The following VCP variants were observed in gnomAD, a reference collection of about 807,000 sequenced individuals.
VCP encodes the protein valosin containing protein, also known as transitional endoplasmic reticulum ATPase.
A neutral mutation model predicts 85.7 loss-of-function variants in VCP; 6 were observed. That is an observed-to-expected ratio of 0.07 (90% CI 0.04 to 0.14). The LOEUF is 0.14. Among genes scored for constraint, VCP ranks in the 10% least tolerant of loss-of-function variants. The pLI, the probability that VCP is intolerant of heterozygous loss-of-function variation, is 1.00. For missense variants in VCP, 353 were observed against 1,043.4 expected (o/e 0.34, Z 9.12); for synonymous variants, 384 against 367.1 (o/e 1.05, Z -0.53).
In VCP at chr9:35,063,342, A is replaced by G. The variant is rs556416439; in HGVS notation, c.709-262T>C. On this transcript the variant is annotated intron_variant, in intron 6 of 16. Coordinates refer to ENST00000358901, the MANE Select transcript of VCP (RefSeq NM_007126.5). ...CTAAGGGCAGAGAAACTGTAGTCCAAATGCGTTTGAAGATACATGACTAGG... is the reference window on the plus strand; with the variant it reads ...CTAAGGGCAGAGAAACTGTAGTCCAGATGCGTTTGAAGATACATGACTAGG... Among the ~76,000 whole-genome samples the G allele has an allele frequency of 1.8e-4, 28 of 152,306 alleles. 1 individual carries two copies. In the South Asian group the frequency reaches 5.8e-3, roughly 32 times the overall value.
intron 4 of VCP, 29 bp from the exon 5 acceptor site, chr9:35,065,410 T>G (rs200357034): frequency 6.2e-7 from 1 of 1,613,810 alleles, no homozygotes; most frequent in Non-Finnish European, 8.5e-7. Context: ...CAAGCACAGT[T>G]AGAGGTGTCA....
chr9:35,060,950 G>A (rs886833068), intron 11 of VCP, 27 bp from the exon 12 acceptor site: 2 of 1,614,206 alleles, frequency 1.2e-6, no homozygotes, highest in Non-Finnish European at 1.7e-6. Flanking sequence ...AACTGGGGAT[G>A]AGACTTATCA....
Position 35,059,920 on chromosome 9 carries a change from G to T in VCP, c.1696-119C>A, listed in dbSNP as rs1427592972. On this transcript the variant is annotated intron_variant, in intron 13 of 16. Transcript: ENST00000358901. The surrounding 1 kb of genome is among the most constrained non-coding windows in gnomAD (Gnocchi z 4.9). ...GGCCAAGGTGGGAGGATCACTTGAG[G>T]CCAGAAATCCGAAACCAGCATGGGC... The T allele has an allele frequency of 7.5e-6, 10 of 1,336,686 alleles. No homozygotes were observed. Among genetic ancestry groups the T allele is most frequent in the Non-Finnish European group, 9.5e-6 (9 of 949,880 alleles). The allele number at this position is 1,336,686 out of a possible 1,614,324, so 82.8% of individuals were successfully genotyped here.
intron 1 of VCP, chr9:35,071,890 C>T: frequency 1.0e-6 from 1 of 999,034 alleles, no homozygotes; most frequent in Non-Finnish European, 1.2e-6. Context: ...TCCACGCCCA[C>T]CGGGCCCGGC....
chr9:35,057,886 TAGAA>T (rs1167659743), intron 15 of VCP: 10 of 371,124 alleles, frequency 2.7e-5, no homozygotes, highest in Admixed American at 1.2e-4. Context: ...AAATGGTATA[TAGAA>T]AGAGTGAATT....
At chr9:35,063,633 C>G (rs1828770683) in intron 6 of VCP, among the ~76,000 whole-genome samples, 1 of 152,212 alleles carries the variant, frequency 6.6e-6, no homozygotes, top group African/African-American at 2.4e-5. Context: ...TATTTGTGTG[C>G]CACCCACTAG....
intron 2 of VCP, 88 bp from the exon 3 acceptor site, chr9:35,068,151 A>T: frequency 6.2e-7 from 1 of 1,606,574 alleles, no homozygotes; most frequent in Non-Finnish European, 8.5e-7. Context: ...AGTAAACCCC[A>T]CTCTATCTGC....
intron 6 of VCP, 119 bp downstream of exon 6, chr9:35,064,035 C>T (rs2131034939): frequency 6.6e-7 from 1 of 1,516,976 alleles, no homozygotes; most frequent in Admixed American, 1.7e-5. Flanking sequence ...ACGTTATTGC[C>T]CCTCTAATCC....
intron 13 of VCP, 146 bp downstream of exon 13, chr9:35,060,167 C>G: frequency 1.1e-6 from 1 of 900,964 alleles, no homozygotes; most frequent in South Asian, 1.5e-5. Flanking sequence ...AACACTAGGT[C>G]TCTCAGACCT....
At chr9:35,058,183 T>A (rs1311247657) in intron 15 of VCP, among the ~76,000 whole-genome samples, 4 of 152,078 alleles carry the variant, frequency 2.6e-5, no homozygotes, top group Non-Finnish European at 5.9e-5. Flanking sequence ...CTTATGTGAC[T>A]ACCTCCTAGG....
rs955711936 is a variant in VCP, at chr9:35,056,074, A to C, written c.*1043T>G. 2 of 151,878 alleles carry C rather than the reference A, an allele frequency of 1.3e-5. No individual in the cohort carries two copies. The highest frequency in any genetic ancestry group is 4.8e-5 in the African/African-American group (2 of 41,264). 9.4% of individuals were successfully genotyped at this position (151,878 alleles called of 1,614,324 possible). On this transcript the variant is annotated 3_prime_UTR_variant, in exon 17 of 17. Transcript: ENST00000358901. ...AATTCAATACTAAAATTTTATATTAACAAAAAGTTTTTTTTTTTTAATCAA... is the reference window on the plus strand; with the variant it reads ...AATTCAATACTAAAATTTTATATTACCAAAAAGTTTTTTTTTTTTAATCAA...
intron 4 of VCP, 78 bp from the exon 5 acceptor site, chr9:35,065,459 C>A (rs1828810468): frequency 1.3e-6 from 2 of 1,594,010 alleles, no homozygotes; most frequent in South Asian, 1.1e-5. Flanking sequence ...ACCCTGGGGT[C>A]AAAATGCCAA....
At chr9:35,069,859 T>C (rs999711905) in intron 1 of VCP, among the ~76,000 whole-genome samples, 2 of 152,198 alleles carry the variant, frequency 1.3e-5, no homozygotes, top group African/African-American at 2.4e-5. Context: ...AATAAATTTT[T>C]AAAACGAATT....
chr9:35,072,128 A>G, intron 1 of VCP: 1 of 1,373,410 alleles, frequency 7.3e-7, no homozygotes, highest in Non-Finnish European at 9.3e-7. Flanking sequence ...GACCCAACGC[A>G]AGCCCCGCCT....
At chr9:35,071,371 TTTTA>T (rs1828941159) in intron 1 of VCP, among the ~76,000 whole-genome samples, 1 of 145,532 alleles carries the variant, frequency 6.9e-6, no homozygotes, top group Admixed American at 6.9e-5. Context: ...GGTAGCCAAG[TTTTA>T]TCTAACGCTT....
At position 35,066,769 on chromosome 9, in the gene VCP, C is replaced by T. The variant is rs1014455703; in HGVS notation, c.351G>A (p.Leu117=). 6.2e-7 allele frequency: 1 copy of T among 1,614,116 alleles called. No individual in the cohort carries two copies. Among genetic ancestry groups the T allele is most frequent in the Non-Finnish European group, 8.5e-7 (1 of 1,180,018 alleles). Residue 117 remains leucine, a synonymous_variant, in exon 4 of 17, where the codon CTG becomes CTA. Transcript: ENST00000358901. The part of the protein sequence containing the change: ...DVKYGKRIHV[L]PIDDTVEGIT... ...TGCCTTCCACTGTGTCATCAATGGG[C>T]AGCACATGGATACGTTTGCCGTACT... is the stretch of plus-strand genomic sequence containing the variant.
In VCP at chr9:35,057,498, G is replaced by A. The variant is rs186657793; in HGVS notation, c.2193C>T (p.Ile731=). The A allele has an allele frequency of 1.0e-4, 167 of 1,612,946 alleles. 1 individual carries two copies. The highest frequency in any genetic ancestry group is 1.5e-5 in the Non-Finnish European group (18 of 1,180,036). ...EVEEDDPVPE[I]RRDHFEEAMR... is the part of the protein sequence containing the mutation. ...TGGCTTCTTCAAAGTGATCTCGACGGATCTCAGGCACTGGATCATCCTCTT... is the reference window on the plus strand; with the variant it reads ...TGGCTTCTTCAAAGTGATCTCGACGAATCTCAGGCACTGGATCATCCTCTT... Residue 731 remains isoleucine (I), a synonymous_variant, in exon 16 of 17, where the codon ATC becomes ATT. Coordinates refer to ENST00000358901, the MANE Select transcript of VCP (RefSeq NM_007126.5).
chr9:35,070,084 A>G (rs112293411), intron 1 of VCP, among the ~76,000 whole-genome samples: 1,877 of 152,322 alleles, frequency 0.012, 19 homozygotes, highest in Middle Eastern at 0.027. Flanking sequence ...AACAAACCCC[A>G]TTCATCTAAC....
chr9:35,061,211 T>G, intron 10 of VCP, 32 bp from the exon 11 acceptor site: 3 of 1,612,192 alleles, frequency 1.9e-6, no homozygotes, highest in Non-Finnish European at 2.5e-6. Flanking sequence ...CTATGCTGCC[T>G]CAAAGACCCA....
Sources: allele counts gnomAD v4.1 joint callset (sites outside exome capture counted in the v4.1 genomes callset), GRCh38; gene constraint gnomAD v4.1.1; non-coding constraint Gnocchi (gnomAD v3.1); transcripts MANE v1.5; gene names NCBI Gene and HGNC (gene_info 2026-07-23, HGNC 2026-07-21).